The following CACNB2 variants were observed in gnomAD, a reference collection of about 807,000 sequenced individuals.
The protein encoded by CACNB2 is voltage-dependent L-type calcium channel subunit beta-2.
Under a neutral mutation model 73.3 loss-of-function variants are expected in CACNB2, and 42 were observed. The observed-to-expected ratio is 0.57, with a 90% CI of 0.45 to 0.74. The LOEUF (loss-of-function observed/expected upper bound fraction) is 0.74. Among genes scored for constraint, CACNB2 ranks in the 30% least tolerant of loss-of-function variants. CACNB2 has a pLI of 0.00. For synonymous variants in CACNB2, 348 were observed against 310.3 expected (o/e 1.12, Z -1.28); for missense variants, 940 against 853.0 (o/e 1.10, Z -1.27).
At chr10:18,506,414 ATGTT>A in intron 5 of CACNB2, 53 bp from the exon 6 acceptor site, 1 of 860,186 alleles carries the variant, frequency 1.2e-6, no homozygotes, top group Non-Finnish European at 2.0e-6. Flanking sequence ...AATAATATAA[ATGTT>A]TGAGGATGCG....
At chr10:18,393,802 G>C (rs1035924249) in intron 2 of CACNB2, among the ~76,000 whole-genome samples, 2 of 152,220 alleles carry the variant, frequency 1.3e-5, no homozygotes, top group African/African-American at 2.4e-5. Flanking sequence ...TGAAAAGAAT[G>C]CTTGGTGATG....
intron 2 of CACNB2, among the ~76,000 whole-genome samples, chr10:18,292,328 G>A (rs1034265589): frequency 2.6e-5 from 4 of 152,096 alleles, no homozygotes; most frequent in East Asian, 1.9e-4. Context: ...TAATAACAAC[G>A]GCATGTTAAT....
intron 2 of CACNB2, among the ~76,000 whole-genome samples, chr10:18,244,845 G>C (rs2036799473): frequency 6.6e-6 from 1 of 152,208 alleles, no homozygotes; most frequent in Non-Finnish European, 1.5e-5. Flanking sequence ...GATTATCCTG[G>C]ATTAGCTGGG....
At chr10:18,449,250 T>C (rs554625068) in intron 3 of CACNB2, among the ~76,000 whole-genome samples, 25 of 152,178 alleles carry the variant, frequency 1.6e-4, no homozygotes, top group Admixed American at 3.3e-4. Context: ...CCGGGCGTGG[T>C]GGCGGGCGCC....
In CACNB2 at chr10:18,536,216, A is replaced by AGCATAAT. The variant is rs747295278; in HGVS notation, c.1302+21_1302+27dup. On this transcript the variant is annotated intron_variant, in intron 12 of 13. Coordinates refer to ENST00000324631, the MANE Select transcript of CACNB2 (RefSeq NM_201596.3). Reference sequence around the variant, plus strand: ...CCTCCAGTAAGTTATCTCTATATACAGCATAATCCAGTTACAGAGATCAGA... The same window carrying AGCATAAT: ...CCTCCAGTAAGTTATCTCTATATACAGCATAATGCATAATCCAGTTACAGAGATCAGA... The AGCATAAT allele has an allele frequency of 8.3e-5, 82 of 987,990 alleles. No individual in the cohort carries two copies. Among genetic ancestry groups the AGCATAAT allele is most frequent in the Non-Finnish European group, 1.1e-4 (68 of 625,160 alleles). 61.2% of individuals were successfully genotyped at this position (987,990 alleles called of 1,614,324 possible).
At position 18,152,740 on chromosome 10, in the gene CACNB2, CAAAA is replaced by C. The variant is rs1416717406; in HGVS notation, c.213+1766_213+1769del. Among the ~76,000 whole-genome samples the C allele has an allele frequency of 0.019, 1,869 of 97,368 alleles. 80 individuals carry two copies. In the East Asian group the frequency reaches 0.2, roughly 10 times the overall value. The allele number at this position is 97,368 out of a possible 152,430, so 63.9% of individuals were successfully genotyped here. ...AAAAAAAAAAAAAAAAAACAAAAAACAAAACACTAGCTCCTTAGTGTGCATAGTA... is the reference window on the plus strand; with the variant it reads ...AAAAAAAAAAAAAAAAAACAAAAAACCACTAGCTCCTTAGTGTGCATAGTA... On this transcript the variant is annotated intron_variant, in intron 2 of 13. Transcript: ENST00000324631.
At chr10:18,154,402 T>C (rs2031864822) in intron 2 of CACNB2, among the ~76,000 whole-genome samples, 1 of 152,094 alleles carries the variant, frequency 6.6e-6, no homozygotes, top group Non-Finnish European at 1.5e-5. Flanking sequence ...CCAGTGTGAC[T>C]ATATTTGGAG....
rs147688914 is a variant in CACNB2 at position 18,390,017 on chromosome 10, G to A, written c.214-11907G>A. Among the ~76,000 whole-genome samples the A allele has an allele frequency of 7.2e-5, 11 of 152,210 alleles. No homozygotes were observed. The South Asian group carries it at 1.9e-3, about 26-fold the overall frequency. Reference sequence around the variant, plus strand: ...AATGTTAAACAGTAAAATATTTAAGGACTGAAGCCATATCCCTTTTCACAA... The same window carrying A: ...AATGTTAAACAGTAAAATATTTAAGAACTGAAGCCATATCCCTTTTCACAA... On this transcript the variant is annotated intron_variant, in intron 2 of 13. Transcript: ENST00000324631.
intron 2 of CACNB2, among the ~76,000 whole-genome samples, chr10:18,249,355 T>C (rs2036995099): frequency 6.6e-6 from 1 of 152,138 alleles, no homozygotes; most frequent in African/African-American, 2.4e-5. Context: ...TGTCTTTTGT[T>C]TTTCCTTTCT....
intron 2 of CACNB2, among the ~76,000 whole-genome samples, chr10:18,394,310 G>C (rs550664036): frequency 6.6e-6 from 1 of 152,242 alleles, no homozygotes; most frequent in Non-Finnish European, 1.5e-5. Context: ...CGTGCCTAAA[G>C]CTTAGCAAAG....
chr10:18,183,770 G>A (rs554682219), intron 2 of CACNB2, among the ~76,000 whole-genome samples: 4 of 152,182 alleles, frequency 2.6e-5, no homozygotes, highest in Non-Finnish European at 5.9e-5. Context: ...TGGAAGTGCA[G>A]GGATTCTCCT....
intron 7 of CACNB2, chr10:18,515,086 T>C: frequency 6.9e-7 from 1 of 1,456,484 alleles, no homozygotes; most frequent in Non-Finnish European, 9.6e-7. Flanking sequence ...CCCGATGTTC[T>C]TGCCTTCTCC....
At chr10:18,305,570 A>G (rs1274100084) in intron 2 of CACNB2, among the ~76,000 whole-genome samples, 2 of 152,200 alleles carry the variant, frequency 1.3e-5, no homozygotes, top group Non-Finnish European at 2.9e-5. Context: ...TTGCCATGTA[A>G]TAGCCATTTA....
chr10:18,492,017 G>C (rs1381652286), intron 3 of CACNB2, among the ~76,000 whole-genome samples: 2 of 152,050 alleles, frequency 1.3e-5, no homozygotes, highest in African/African-American at 4.8e-5. Flanking sequence ...TCATGGTGTT[G>C]GCATCTGGCT....
At chr10:18,394,642 A>G (rs996243869) in intron 2 of CACNB2, among the ~76,000 whole-genome samples, 1 of 152,200 alleles carries the variant, frequency 6.6e-6, no homozygotes, top group African/African-American at 2.4e-5. Flanking sequence ...TTGCTCAGGT[A>G]GCTTCTCTAT....
chr10:18,461,163 C>T (rs1015980403), intron 3 of CACNB2, among the ~76,000 whole-genome samples: 2 of 152,136 alleles, frequency 1.3e-5, no homozygotes, highest in Non-Finnish European at 1.5e-5. Flanking sequence ...ATCTGCACAC[C>T]TCGGCCTCCC....
intron 2 of CACNB2, among the ~76,000 whole-genome samples, chr10:18,337,400 C>T (rs1564447563): frequency 6.6e-6 from 1 of 152,136 alleles, no homozygotes; most frequent in Non-Finnish European, 1.5e-5. Flanking sequence ...CCATGCCCGG[C>T]CTACTTTTTT....
chr10:18,150,918 T>G lies in CACNB2; in HGVS notation c.156T>G (p.Phe52Leu). 6.8e-7 allele frequency: 1 copy of G among 1,470,982 alleles called. No homozygotes were observed. The highest frequency in any genetic ancestry group is 1.2e-5 in the South Asian group (1 of 86,860). The allele number at this position is 1,470,982 out of a possible 1,614,324, so 91.1% of individuals were successfully genotyped here. Residue 52 changes from phenylalanine (F) to leucine (L), a missense_variant, in exon 2 of 14, where the codon TTT (phenylalanine) becomes TTG (leucine). By Grantham distance (22) the Phe-to-Leu change is conservative. Transcript: ENST00000324631. ...AAGGAGCCAGAAGGAAAAACAGATT[T>G]AAAGGATCTGATGGAAGCACGTCAT... The part of the protein sequence containing the change: ...YGKGARRKNR[F>L]KGSDGSTSSD...
chr10:18,453,712 C>G (rs533879931), intron 3 of CACNB2, among the ~76,000 whole-genome samples: 8 of 152,358 alleles, frequency 5.3e-5, no homozygotes. Context: ...TGGCTGCAAC[C>G]TCTGCCTCCC....
Sources: allele counts gnomAD v4.1 joint callset (sites outside exome capture counted in the v4.1 genomes callset), GRCh38; gene constraint gnomAD v4.1.1; transcripts MANE v1.5; gene names NCBI Gene and HGNC (gene_info 2026-07-23, HGNC 2026-07-21).